The following PRUNE2 variants were observed in gnomAD, a reference collection of about 807,000 sequenced individuals.
PRUNE2 encodes the protein prune homolog 2 with BCH domain.
Under a neutral mutation model 252.0 loss-of-function variants are expected in PRUNE2, and 164 were observed. That is an observed-to-expected ratio of 0.65 (90% CI 0.57 to 0.74). PRUNE2 has a LOEUF of 0.74. Among genes scored for constraint, PRUNE2 ranks in the 30% least tolerant of loss-of-function variants. The pLI is 0.00. For synonymous variants in PRUNE2, 1,292 were observed against 1,350.2 expected (o/e 0.96, Z 0.94); for missense variants, 3,495 against 3,711.0 (o/e 0.94, Z 1.51).
At chr9:76,766,365 T>C (rs538210242) in intron 6 of PRUNE2, among the ~76,000 whole-genome samples, 5 of 152,118 alleles carry the variant, frequency 3.3e-5, no homozygotes, top group Non-Finnish European at 7.4e-5. Context: ...GTGTGCCTTG[T>C]GGGAGAATAC....
chr9:76,768,200 CT>C (rs58313419), intron 6 of PRUNE2, among the ~76,000 whole-genome samples: 9 of 148,796 alleles, frequency 6.0e-5, no homozygotes, highest in Admixed American at 1.3e-4. Context: ...AATGATTTTC[CT>C]TTTTTTTTTG....
At chr9:76,849,363 G>A (rs561627097) in intron 3 of PRUNE2, among the ~76,000 whole-genome samples, 4 of 152,136 alleles carry the variant, frequency 2.6e-5, no homozygotes, top group Non-Finnish European at 5.9e-5. Flanking sequence ...ATAATCAAAT[G>A]ACCTTCATAG....
chr9:76,843,035 A>C (rs1271985903), intron 4 of PRUNE2, among the ~76,000 whole-genome samples: 1 of 152,194 alleles, frequency 6.6e-6, no homozygotes, highest in Non-Finnish European at 1.5e-5. Context: ...ACATACACTT[A>C]TTGCCGCACT....
chr9:76,624,454 A>G lies in PRUNE2; in HGVS notation c.9186T>C (p.Ala3062=). 1 of 1,428,334 alleles carries G rather than the reference A, an allele frequency of 7.0e-7. No individual in the cohort carries two copies. Among genetic ancestry groups the G allele is most frequent in the Non-Finnish European group, 9.2e-7 (1 of 1,085,762 alleles). The allele number at this position is 1,428,334 out of a possible 1,614,324, so 88.5% of individuals were successfully genotyped here. A position where few individuals can be genotyped will look rare whatever the true frequency, so the allele number is the denominator to read the frequency against. The change falls in exon 17 of 19, where the codon GCT becomes GCC. Residue 3062 remains alanine, a splice_region_variant and synonymous_variant. Transcript: ENST00000376718. The part of the protein sequence containing the change: ...DEELREASEA[A]KTSCLYNDPE... ...GCTAAACGAAAACCAAGTCTTACTT[A>G]GCTGCCTCTGATGCTTCCCTCAGTT...
intron 7 of PRUNE2, 43 bp downstream of exon 7, chr9:76,713,520 G>A: frequency 6.4e-7 from 1 of 1,556,840 alleles, no homozygotes; most frequent in Non-Finnish European, 8.7e-7. Context: ...GAGCCAGCAG[G>A]TTAGGACAGA....
chr9:76,705,288 G>A lies in PRUNE2; in HGVS notation c.6986C>T (p.Pro2329Leu), dbSNP rs753525046. Residue 2329 changes from proline (P) to leucine (L), a missense_variant, in exon 8 of 19, where the codon CCG (proline) becomes CTG (leucine). Pro to Leu is a moderately conservative substitution (Grantham distance 98). Coordinates refer to ENST00000376718, the MANE Select transcript of PRUNE2 (RefSeq NM_015225.3). ...TAGGTCCCCATCAACTGGCGTTTCCGGATGGCCTTCGGATAATGTCAGTTT... is the reference window on the plus strand; with the variant it reads ...TAGGTCCCCATCAACTGGCGTTTCCAGATGGCCTTCGGATAATGTCAGTTT... The part of the protein sequence containing the change: ...MSKLTLSEGH[P>L]ETPVDGDLGK... The A allele has an allele frequency of 5.5e-5, 89 of 1,613,978 alleles. No individual in the cohort carries two copies. The highest frequency in any genetic ancestry group is 1.6e-4 in the Middle Eastern group (1 of 6,062).
chr9:76,624,010 A>T (rs1833578348), intron 17 of PRUNE2, among the ~76,000 whole-genome samples: 1 of 152,246 alleles, frequency 6.6e-6, no homozygotes, highest in Non-Finnish European at 1.5e-5. Flanking sequence ...CAAAGTCATT[A>T]AGTAAGTTGT....
At chr9:76,653,202 T>C (rs2133297806) in intron 10 of PRUNE2, among the ~76,000 whole-genome samples, 1 of 152,292 alleles carries the variant, frequency 6.6e-6, no homozygotes, top group South Asian at 2.1e-4. Context: ...TTGAAATTGC[T>C]ATAATAATTG....
At chr9:76,658,214 T>C (rs1410346788) in intron 9 of PRUNE2, among the ~76,000 whole-genome samples, 2 of 152,096 alleles carry the variant, frequency 1.3e-5, no homozygotes, top group Non-Finnish European at 2.9e-5. Context: ...CAAAATTAGC[T>C]GGGTGTGGTG....
chr9:76,723,177 AAAG>A (rs2047794725), intron 6 of PRUNE2, among the ~76,000 whole-genome samples: 1 of 152,246 alleles, frequency 6.6e-6, no homozygotes, highest in East Asian at 1.9e-4. Flanking sequence ...AAACTTCTAT[AAAG>A]AAGAATGTTG....
intron 9 of PRUNE2, among the ~76,000 whole-genome samples, chr9:76,699,028 T>TCCCCA (rs1314862590): frequency 2.4e-5 from 2 of 82,404 alleles, no homozygotes; most frequent in East Asian, 8.8e-4. Flanking sequence ...CTCTTCTCCT[T>TCCCCA]CCCCACCCCA....
intron 6 of PRUNE2, among the ~76,000 whole-genome samples, chr9:76,807,399 C>T (rs2057044220): frequency 6.6e-6 from 1 of 152,064 alleles, no homozygotes; most frequent in African/African-American, 2.4e-5. Flanking sequence ...ATGATCTTTG[C>T]TTTCTGTCAA....
At chr9:76,757,932 A>G (rs1483948953) in intron 6 of PRUNE2, among the ~76,000 whole-genome samples, 1 of 152,220 alleles carries the variant, frequency 6.6e-6, no homozygotes, top group Non-Finnish European at 1.5e-5. Context: ...ATGACTTCAG[A>G]AACATGCATA....
chr9:76,879,070 C>G (rs2061613182), intron 1 of PRUNE2, among the ~76,000 whole-genome samples: 2 of 152,126 alleles, frequency 1.3e-5, no homozygotes, highest in Non-Finnish European at 1.5e-5. Context: ...AAAGCATTTT[C>G]CAAAGTGTGT....
rs201570481 is a variant in PRUNE2, at chr9:76,710,773, T to C, written c.1501A>G (p.Met501Val). The change falls in exon 8 of 19, where the codon ATG (methionine) becomes GTG (valine). Residue 501 changes from methionine to valine, a missense_variant. By Grantham distance (21) the Met-to-Val change is conservative. Coordinates refer to ENST00000376718, the MANE Select transcript of PRUNE2 (RefSeq NM_015225.3). ...FDLFNFDPAPMASGQSQQSSH... is the reference protein window; with the variant it reads ...FDLFNFDPAPVASGQSQQSSH... ...GATTGCTGGGACTGCCCAGAAGCCATGGGTGCTGGGTCAAAATTGAAGAGG... is the reference window on the plus strand; with the variant it reads ...GATTGCTGGGACTGCCCAGAAGCCACGGGTGCTGGGTCAAAATTGAAGAGG... 3.9e-5 allele frequency: 62 copies of C among 1,599,744 alleles called. No homozygotes were observed. The highest frequency in any genetic ancestry group is 6.7e-5 in the African/African-American group (5 of 74,460).
In PRUNE2 at chr9:76,624,959, C is replaced by T; in HGVS notation, c.9150-469G>A. The T allele has an allele frequency of 3.6e-6, 4 of 1,104,950 alleles. 1 individual carries two copies. The South Asian group carries it at 5.2e-5, about 14-fold the overall frequency. 68.4% of individuals were successfully genotyped at this position (1,104,950 alleles called of 1,614,324 possible). A position where few individuals can be genotyped will look rare whatever the true frequency, so the allele number is the denominator to read the frequency against. The stretch of plus-strand genomic sequence containing the variant: ...GCTCTGGTAGCTTGTTGAGGTCACC[C>T]ACAAGTAAAACACTGGTGTACACAC... On this transcript the variant is annotated intron_variant, in intron 16 of 18. Transcript: ENST00000376718.
At chr9:76,776,982 C>G (rs551500422) in intron 6 of PRUNE2, among the ~76,000 whole-genome samples, 2 of 150,890 alleles carry the variant, frequency 1.3e-5, no homozygotes, top group Non-Finnish European at 2.9e-5. Flanking sequence ...AGCGGAGATT[C>G]TCGGCACTCC....
At chr9:76,801,103 T>C (rs1564334014) in intron 6 of PRUNE2, among the ~76,000 whole-genome samples, 1 of 152,238 alleles carries the variant, frequency 6.6e-6, no homozygotes, top group Non-Finnish European at 1.5e-5. Flanking sequence ...ACTTCATTTG[T>C]GTAGGAACTA....
chr9:76,635,170 C>T (rs1294937217), intron 15 of PRUNE2, among the ~76,000 whole-genome samples: 1 of 152,120 alleles, frequency 6.6e-6, no homozygotes, highest in Non-Finnish European at 1.5e-5. Context: ...TGGGGTTTCA[C>T]CATGTTGGCC....
Sources: allele counts gnomAD v4.1 joint callset (sites outside exome capture counted in the v4.1 genomes callset), GRCh38; gene constraint gnomAD v4.1.1; transcripts MANE v1.5; gene names NCBI Gene and HGNC (gene_info 2026-07-23, HGNC 2026-07-21).